Variants in ENO2 observed in about 807,000 individuals in gnomAD.
ENO2 encodes the protein enolase 2.
ENO2 carries 19 observed loss-of-function variants against 48.7 expected under a neutral mutation model. The ratio of observed to expected loss-of-function variants is 0.39; its 90% confidence interval spans 0.27 to 0.57. ENO2 has a LOEUF of 0.57. ENO2 is among the 20% of genes least tolerant of loss of function. ENO2 has a pLI of 0.58. For synonymous variants in ENO2, 198 were observed against 213.4 expected (o/e 0.93, Z 0.63); for missense variants, 416 against 555.0 (o/e 0.75, Z 2.52).
intron 8 of ENO2, 128 bp downstream of exon 8, chr12:6,919,891 G>A: frequency 9.7e-7 from 1 of 1,031,402 alleles, no homozygotes; most frequent in Non-Finnish European, 1.4e-6. Flanking sequence ...GAGAACCAGG[G>A]AGAGGGTGCA....
chr12:6,915,808 T>C lies in ENO2; in HGVS notation c.-12-13T>C. On this transcript the variant is annotated splice_polypyrimidine_tract_variant and intron_variant, in intron 1 of 11. Coordinates refer to ENST00000229277, the MANE Select transcript of ENO2 (RefSeq NM_001975.3). The stretch of plus-strand genomic sequence containing the variant: ...CTCTTATCTTTCTCCTTCCTTCCCT[T>C]CCACCCGAGGAGATCCCAGCCATCA... The C allele has an allele frequency of 6.2e-7, 1 of 1,600,652 alleles. No individual in the cohort carries two copies. The highest frequency in any genetic ancestry group is 2.3e-5 in the East Asian group (1 of 43,872).
Position 6,920,717 on chromosome 12 carries a change from CTTTTTTTTTTT to C in ENO2, c.866-851_866-841del, listed in dbSNP as rs781865832. Among the ~76,000 whole-genome samples the C allele has an allele frequency of 9.3e-3, 883 of 95,152 alleles. 15 individuals are homozygous for C. Among genetic ancestry groups the C allele is most frequent in the Non-Finnish European group, 0.011 (532 of 48,658 alleles). 62.4% of individuals were successfully genotyped at this position (95,152 alleles called of 152,430 possible). A position where few individuals can be genotyped will look rare whatever the true frequency, so the allele number is the denominator to read the frequency against. ...GCCTGGCTGGTTTGCTTTTAATTAA[CTTTTTTTTTTT>C]TTTTTTTTTTTTGTAGAGACAGGGT... On this transcript the variant is annotated intron_variant, in intron 8 of 11. Coordinates refer to ENST00000229277, the MANE Select transcript of ENO2 (RefSeq NM_001975.3).
chr12:6,917,567 C>T lies in ENO2; in HGVS notation c.311-14C>T. 6.2e-7 allele frequency: 1 copy of T among 1,609,640 alleles called. No homozygotes were observed. The highest frequency in any genetic ancestry group is 8.5e-7 in the Non-Finnish European group (1 of 1,177,676). ...GGGACATTGTGCTCAGCACCTTCCT[C>T]TATAATCTCCTAGCCAAGTTTGGGG... On this transcript the variant is annotated splice_polypyrimidine_tract_variant and intron_variant, in intron 5 of 11. Coordinates refer to ENST00000229277, the MANE Select transcript of ENO2 (RefSeq NM_001975.3).
In ENO2 at chr12:6,922,974, C is replaced by T. The variant is rs1444312751; in HGVS notation, c.*174C>T. 5 of 635,570 alleles carry T rather than the reference C, an allele frequency of 7.9e-6. No homozygotes were observed. The highest frequency in any genetic ancestry group is 1.4e-5 in the Non-Finnish European group (5 of 357,004). 39.4% of individuals were successfully genotyped at this position (635,570 alleles called of 1,614,324 possible). ...TACCTGACCTCTTGCTGTCTCTGCT[C>T]GCCCTCCTTTCTGTGCCCTACTCAT... On this transcript the variant is annotated 3_prime_UTR_variant, in exon 12 of 12. Transcript: ENST00000229277. The surrounding 1 kb of genome is among the most constrained non-coding windows in gnomAD (Gnocchi z 5.3).
intron 9 of ENO2, 82 bp from the exon 10 acceptor site, chr12:6,921,974 T>C (rs1945345139): frequency 1.9e-6 from 3 of 1,584,900 alleles, no homozygotes; most frequent in Non-Finnish European, 2.6e-6. Flanking sequence ...CCCTAGATGT[T>C]TCCTGACATA....
chr12:6,915,535 C>A, intron 1 of ENO2: 1 of 384,968 alleles, frequency 2.6e-6, no homozygotes, highest in Non-Finnish European at 4.9e-6. Flanking sequence ...CTGTCGTGCC[C>A]CTCCCCTCCT....
At chr12:6,920,223 G>T (rs1003304976) in intron 8 of ENO2, among the ~76,000 whole-genome samples, 2 of 152,054 alleles carry the variant, frequency 1.3e-5, no homozygotes, top group Non-Finnish European at 2.9e-5. Flanking sequence ...GGAGGCAGTT[G>T]GTCGCCATCT....
In ENO2 at chr12:6,914,597, A is replaced by G; in HGVS notation, c.-75A>G. ...CCGCCACTGCCACTCCCGCTCTCTC[A>G]GCGCCGCCGTCGCCACCGCCACCGC... On this transcript the variant is annotated 5_prime_UTR_variant, in exon 1 of 12. Transcript: ENST00000229277. This position sits in a 1 kb window ranked among gnomAD's most constrained non-coding sequence, Gnocchi z 7.1. 5.9e-6 allele frequency: 1 copy of G among 168,464 alleles called. No homozygotes were observed. The highest frequency in any genetic ancestry group is 1.2e-5 in the Non-Finnish European group (1 of 80,156). The allele number at this position is 168,464 out of a possible 1,614,324, so 10.4% of individuals were successfully genotyped here.
At position 6,916,558 on chromosome 12, in the gene ENO2, T is replaced by G. The variant is rs201234038; in HGVS notation, c.181+46T>G. 79 of 1,612,562 alleles carry G rather than the reference T, an allele frequency of 4.9e-5. No individual in the cohort carries two copies. The African/African-American group carries it at 9.7e-4, about 20-fold the overall frequency. On this transcript the variant is annotated intron_variant, in intron 3 of 11. Transcript: ENST00000229277. This position sits in a 1 kb window ranked among gnomAD's most constrained non-coding sequence, Gnocchi z 4.5. ...CAGACTCTCCCCCACCTCAGCCTTA[T>G]GCCCCTACCTCACACCAGTCCCCAG...
chr12:6,917,582 C>T lies in ENO2; in HGVS notation c.312C>T (p.Ser104=). 1.2e-6 allele frequency: 2 copies of T among 1,612,440 alleles called. No homozygotes were observed. The highest frequency in any genetic ancestry group is 1.7e-6 in the Non-Finnish European group (2 of 1,179,110). Residue 104 remains serine (S), a splice_region_variant and synonymous_variant, in exon 6 of 12, where the codon TCC becomes TCT. Coordinates refer to ENST00000229277, the MANE Select transcript of ENO2 (RefSeq NM_001975.3). ...GCACCTTCCTCTATAATCTCCTAGCCAAGTTTGGGGCCAATGCCATCCTGG... is the reference window on the plus strand; with the variant it reads ...GCACCTTCCTCTATAATCTCCTAGCTAAGTTTGGGGCCAATGCCATCCTGG... The part of the protein sequence containing the change: ...MLELDGTENK[S]KFGANAILGV...
At chr12:6,917,792 G>T in intron 6 of ENO2, 78 bp downstream of exon 6, 1 of 1,597,902 alleles carries the variant, frequency 6.3e-7, no homozygotes. Context: ...AATGATGGGA[G>T]GAAAGTGAAT....
In ENO2 at chr12:6,921,754, A is replaced by T. The variant is rs782144833; in HGVS notation, c.1039A>T (p.Ile347Phe). 1 of 1,614,156 alleles carries T rather than the reference A, an allele frequency of 6.2e-7. No homozygotes were observed. Among genetic ancestry groups the T allele is most frequent in the South Asian group, 1.1e-5 (1 of 91,088 alleles). ...CNCLLLKVNQ[I>F]GSVTEAIQAC... ...CTGTCTGCTGCTCAAGGTCAACCAGATCGGCTCGGTCACTGAAGCCATCCA... is the reference window on the plus strand; with the variant it reads ...CTGTCTGCTGCTCAAGGTCAACCAGTTCGGCTCGGTCACTGAAGCCATCCA... The change falls in exon 9 of 12, where the codon ATC (isoleucine) becomes TTC (phenylalanine). Residue 347 changes from isoleucine to phenylalanine, a missense_variant. Ile to Phe is a conservative substitution (Grantham distance 21, BLOSUM62 0). Transcript: ENST00000229277.
chr12:6,917,471 G>A lies in ENO2; in HGVS notation c.311-110G>A. The stretch of plus-strand genomic sequence containing the variant: ...GGTGTTGCTGGGGCAGGGGTGGGGA[G>A]GGAGGAGGGGGTCTCCTTTACTGGC... On this transcript the variant is annotated intron_variant, in intron 5 of 11. Coordinates refer to ENST00000229277, the MANE Select transcript of ENO2 (RefSeq NM_001975.3). 1.0e-5 allele frequency: 15 copies of A among 1,442,090 alleles called. No homozygotes were observed. In the South Asian group the frequency reaches 2.1e-4, roughly 20 times the overall value. The allele number at this position is 1,442,090 out of a possible 1,614,324, so 89.3% of individuals were successfully genotyped here. A position where few individuals can be genotyped will look rare whatever the true frequency, so the allele number is the denominator to read the frequency against.
At position 6,917,719 on chromosome 12, in the gene ENO2, G is replaced by A; in HGVS notation, c.444+5G>A. 1 of 1,211,402 alleles carries A rather than the reference G, an allele frequency of 8.3e-7. No individual in the cohort carries two copies. Among genetic ancestry groups the A allele is most frequent in the South Asian group, 1.2e-5 (1 of 82,852 alleles). The allele number at this position is 1,211,402 out of a possible 1,614,324, so 75.0% of individuals were successfully genotyped here. A position where few individuals can be genotyped will look rare whatever the true frequency, so the allele number is the denominator to read the frequency against. On this transcript the variant is annotated splice_donor_5th_base_variant and intron_variant, in intron 6 of 11. Transcript: ENST00000229277. ...GACCTCATCCTGCCTGTGCCGGTGA[G>A]CAATAAGCCAGCCTGCGGCTCTCCC...
At position 6,923,147 on chromosome 12, in the gene ENO2, TAGAG is replaced by T; in HGVS notation, c.*350_*353del. On this transcript the variant is annotated 3_prime_UTR_variant, in exon 12 of 12. Transcript: ENST00000229277. The stretch of plus-strand genomic sequence containing the variant: ...CGTCAGGGTTGGTGTGCTGAGGTGT[TAGAG>T]AGGGACCATGTGTCACTTGTGCTTT... 1 of 306,102 alleles carries T rather than the reference TAGAG, an allele frequency of 3.3e-6. No individual in the cohort carries two copies. Among genetic ancestry groups the T allele is most frequent in the African/African-American group, 2.1e-5 (1 of 46,920 alleles). 19.0% of individuals were successfully genotyped at this position (306,102 alleles called of 1,614,324 possible).
In ENO2 at chr12:6,917,683, C is replaced by CGATA; in HGVS notation, c.413_414insGATA (p.Gly139IlefsTer39). Reference sequence around the variant, plus strand: ...CTGTATCGCCACATTGCTCAGCTGGCCGGGAACTCAGACCTCATCCTGCCT... The same window carrying CGATA: ...CTGTATCGCCACATTGCTCAGCTGGCGATACGGGAACTCAGACCTCATCCTGCCT... On this transcript the variant is annotated frameshift_variant, in exon 6 of 12. Transcript: ENST00000229277. LOFTEE classifies it high-confidence loss of function. 1.3e-6 allele frequency: 2 copies of CGATA among 1,536,186 alleles called. No homozygotes were observed. The highest frequency in any genetic ancestry group is 1.8e-6 in the Non-Finnish European group (2 of 1,131,954).
intron 7 of ENO2, 107 bp downstream of exon 7, chr12:6,918,269 A>G (rs1555141829): frequency 9.1e-7 from 1 of 1,093,272 alleles, no homozygotes; most frequent in Non-Finnish European, 1.3e-6. Context: ...GGGTCCTAGG[A>G]CTCTGCAAAC....
chr12:6,922,865 C>T lies in ENO2; in HGVS notation c.*65C>T. ...CCTCCTGGAACCTTGCTGTCCTGAT[C>T]TGTGATAGTTCACCCCCTGAGATCC... On this transcript the variant is annotated 3_prime_UTR_variant, in exon 12 of 12. Transcript: ENST00000229277. The surrounding 1 kb of genome is among the most constrained non-coding windows in gnomAD (Gnocchi z 5.3). 1.9e-6 allele frequency: 3 copies of T among 1,579,366 alleles called. No individual in the cohort carries two copies. Among genetic ancestry groups the T allele is most frequent in the Non-Finnish European group, 2.6e-6 (3 of 1,150,294 alleles).
At chr12:6,920,872 C>T (rs1442698831) in intron 8 of ENO2, among the ~76,000 whole-genome samples, 2 of 147,958 alleles carry the variant, frequency 1.4e-5, no homozygotes, top group East Asian at 2.0e-4. Flanking sequence ...ATGGAAGTGG[C>T]GTGAGATCTC....
Sources: gnomAD v4.1 joint callset for allele counts (sites outside exome capture counted in the v4.1 genomes callset) on GRCh38, gnomAD v4.1.1 for gene constraint, Gnocchi (gnomAD v3.1) non-coding constraint, MANE v1.5 for transcripts, NCBI Gene and HGNC (gene_info 2026-07-23, HGNC 2026-07-21) for gene names.